PBRM1: variants seen among roughly 807,000 people sequenced by gnomAD.
PBRM1 encodes the protein polybromo 1, also known as protein polybromo-1.
PBRM1 carries 27 observed loss-of-function variants against 194.5 expected under a neutral mutation model. The ratio of observed to expected loss-of-function variants is 0.14; its 90% CI spans 0.10 to 0.19. The LOEUF (loss-of-function observed/expected upper bound fraction) is 0.19. Among genes scored for constraint, PBRM1 ranks in the 10% least tolerant of loss-of-function variants. The pLI is 1.00. For synonymous variants in PBRM1, 655 were observed against 693.2 expected, an observed-to-expected ratio of 0.94 and a Z score of 0.87; for missense variants, 1,466 against 2,077.2, an observed-to-expected ratio of 0.71 and a Z score of 5.72.
chr3:52,582,561 C>T (rs1280084451), intron 20 of PBRM1, among the ~76,000 whole-genome samples: 4 of 151,746 alleles, frequency 2.6e-5, no homozygotes, highest in African/African-American at 9.7e-5. Flanking sequence ...AGGCACCTGC[C>T]ACCACGCCAA....
At chr3:52,632,293 AT>A (rs2095643759) in intron 11 of PBRM1, among the ~76,000 whole-genome samples, 1 of 152,120 alleles carries the variant, frequency 6.6e-6, no homozygotes, top group South Asian at 2.1e-4. Flanking sequence ...CACAGAAGAG[AT>A]TTTAAAAGGC....
intron 22 of PBRM1, among the ~76,000 whole-genome samples, chr3:52,576,314 G>T (rs1475622993): frequency 6.6e-6 from 1 of 152,122 alleles, no homozygotes; most frequent in Admixed American, 6.5e-5. Flanking sequence ...CAACTTGGAA[G>T]GCTGAGGTGA....
At chr3:52,626,881 C>T (rs2095465181) in intron 13 of PBRM1, among the ~76,000 whole-genome samples, 1 of 152,102 alleles carries the variant, frequency 6.6e-6, no homozygotes, top group Non-Finnish European at 1.5e-5. Flanking sequence ...GCATACCTCA[C>T]TGCAGTGGTA....
At chr3:52,664,669 G>C (rs1196971746) in intron 3 of PBRM1, among the ~76,000 whole-genome samples, 2 of 151,720 alleles carry the variant, frequency 1.3e-5, no homozygotes, top group African/African-American at 2.4e-5. Context: ...AGGAGGCAGA[G>C]GAAGCAGTGA....
chr3:52,685,648 G>GGGCGGGGCTTCC (rs1460576312), intron 1 of PBRM1, 101 bp downstream of exon 1: 1 of 147,470 alleles, frequency 6.8e-6, no homozygotes, highest in Non-Finnish European at 1.5e-5. Context: ...CCCACGGCCG[G>GGGCGGGGCTTCC]GGCGGGGCTT....
intron 16 of PBRM1, among the ~76,000 whole-genome samples, chr3:52,608,170 A>G (rs760519969): frequency 2.6e-5 from 4 of 152,174 alleles, no homozygotes; most frequent in Non-Finnish European, 5.9e-5. Context: ...AAGCTTTTAG[A>G]GCACAGAGCT....
At chr3:52,575,593 AGCCTCT>A (rs141752554) in intron 22 of PBRM1, among the ~76,000 whole-genome samples, 63,652 of 140,316 alleles carry the variant, frequency 0.45, 14,553 homozygotes, top group Admixed American at 0.53. Context: ...GGCTCACTGC[AGCCTCT>A]GCCTCTGCCT....
At chr3:52,643,518 A>G (rs2096185849) in intron 8 of PBRM1, among the ~76,000 whole-genome samples, 175 bp from the exon 10 acceptor site, 1 of 152,218 alleles carries the variant, frequency 6.6e-6, no homozygotes, top group Admixed American at 6.5e-5. Context: ...GCGGGGAAGA[A>G]CAGACCAGGG....
intron 20 of PBRM1, among the ~76,000 whole-genome samples, chr3:52,584,018 T>TA (rs1339665963): frequency 1.5e-4 from 23 of 152,096 alleles, no homozygotes; most frequent in Non-Finnish European, 3.2e-4. Context: ...TTTTTAAATT[T>TA]AAAAAAATCC....
intron 7 of PBRM1, 46 bp from the exon 9 acceptor site, chr3:52,644,835 G>T: frequency 4.2e-6 from 4 of 941,900 alleles, no homozygotes; most frequent in South Asian, 1.4e-5. Context: ...CAGATAAAAG[G>T]ACAGCTTAAT....
At chr3:52,607,338 C>T (rs564815736) in intron 16 of PBRM1, among the ~76,000 whole-genome samples, 6 of 152,224 alleles carry the variant, frequency 3.9e-5, no homozygotes, top group Non-Finnish European at 7.4e-5. Context: ...CAACAAAGCT[C>T]TGGGCATGAG....
At chr3:52,639,208 T>C (rs1577292149) in intron 10 of PBRM1, among the ~76,000 whole-genome samples, 1 of 152,106 alleles carries the variant, frequency 6.6e-6, no homozygotes, top group African/African-American at 2.4e-5. Context: ...ACTCCCAACG[T>C]CAGGTGATCT....
intron 15 of PBRM1, among the ~76,000 whole-genome samples, chr3:52,610,972 C>T (rs1198234303): frequency 6.6e-6 from 1 of 152,010 alleles, no homozygotes; most frequent in Non-Finnish European, 1.5e-5. Flanking sequence ...CAGGAACGAG[C>T]CTGAACCAGC....
intron 10 of PBRM1, among the ~76,000 whole-genome samples, chr3:52,639,914 A>C (rs903615116): frequency 1.1e-4 from 16 of 152,158 alleles, no homozygotes; most frequent in Admixed American, 6.6e-5. Context: ...TGTCAGCAGC[A>C]ATAGGAAACA....
intron 2 of PBRM1, among the ~76,000 whole-genome samples, chr3:52,676,906 C>T (rs890881129): frequency 6.6e-6 from 1 of 152,160 alleles, no homozygotes; most frequent in African/African-American, 2.4e-5. Flanking sequence ...TGGGGCATTT[C>T]GCCCCTGCTC....
chr3:52,615,998 C>T (rs1418596622), intron 14 of PBRM1, among the ~76,000 whole-genome samples: 1 of 152,182 alleles, frequency 6.6e-6, no homozygotes, highest in Non-Finnish European at 1.5e-5. Flanking sequence ...AGGTTACTCA[C>T]CTTATGCTTT....
At chr3:52,555,003 G>T in intron 26 of PBRM1, 124 bp from the exon 29 acceptor site, 1 of 655,192 alleles carries the variant, frequency 1.5e-6, no homozygotes. Flanking sequence ...TGATATAACA[G>T]CAATTAGTGC....
chr3:52,668,331 G>A (rs1292294476), intron 3 of PBRM1, among the ~76,000 whole-genome samples, 167 bp downstream of exon 4: 1 of 152,000 alleles, frequency 6.6e-6, no homozygotes, highest in Non-Finnish European at 1.5e-5. Context: ...AAATAAATAA[G>A]AAATAAAAAT....
At chr3:52,647,435 A>G (rs1172812019) in intron 7 of PBRM1, among the ~76,000 whole-genome samples, 1 of 59,004 alleles carries the variant, frequency 1.7e-5, no homozygotes, top group African/African-American at 6.9e-5. Flanking sequence ...AAGAGAAAAA[A>G]AAAAAAAAAA....
Sources: allele counts gnomAD v4.1 joint callset (sites outside exome capture counted in the v4.1 genomes callset), GRCh38; gene constraint gnomAD v4.1.1; transcripts MANE v1.5; gene names NCBI Gene and HGNC (gene_info 2026-07-23, HGNC 2026-07-21).